The following SOX5 variants were observed in gnomAD, a reference collection of about 807,000 sequenced individuals.
The protein encoded by SOX5 is SRY-box transcription factor 5.
Under a neutral mutation model 92.0 loss-of-function variants are expected in SOX5, and 9 were observed. That is an observed-to-expected ratio of 0.10 (90% CI 0.06 to 0.17). The LOEUF (loss-of-function observed/expected upper bound fraction) is 0.17, where lower values mean the gene tolerates loss of function less well. Among genes scored for constraint, SOX5 ranks in the 10% least tolerant of loss-of-function variants. SOX5 has a pLI of 1.00. For synonymous variants in SOX5, 344 were observed against 336.3 expected (o/e 1.02, Z -0.25); for missense variants, 642 against 944.5 (o/e 0.68, Z 4.20).
chr12:23,842,872 G>C (rs184145619), intron 3 of SOX5, among the ~76,000 whole-genome samples: 1 of 152,298 alleles, frequency 6.6e-6, no homozygotes, highest in African/African-American at 2.4e-5. Flanking sequence ...TTCCGTAAGT[G>C]TGGCTTGTAC....
intron 1 of SOX5, among the ~76,000 whole-genome samples, chr12:24,485,207 A>G (rs1946397529): frequency 6.6e-6 from 1 of 152,208 alleles, no homozygotes; most frequent in Non-Finnish European, 1.5e-5. Flanking sequence ...ACCGCATCCC[A>G]ACAAATAATA....
intron 4 of SOX5, among the ~76,000 whole-genome samples, chr12:24,106,431 C>T (rs1037472059): frequency 9.2e-5 from 14 of 151,962 alleles, no homozygotes; most frequent in African/African-American, 2.9e-4. Flanking sequence ...CAACGGGAAA[C>T]GTAAAATAAT....
At chr12:23,721,966 G>A (rs952568844) in intron 6 of SOX5, among the ~76,000 whole-genome samples, 3 of 152,052 alleles carry the variant, frequency 2.0e-5, no homozygotes, top group African/African-American at 7.2e-5. Flanking sequence ...TAAATAGAGA[G>A]CATGGTGTTC....
rs71063311 is a variant in SOX5, at chr12:24,327,385, CTTTTTTTTTTTTTTTTTTTTTTTTTT to C, written c.-174+41152_-174+41177del. Among the ~76,000 whole-genome samples, 34 of 56,688 alleles carry C rather than the reference CTTTTTTTTTTTTTTTTTTTTTTTTTT, an allele frequency of 6.0e-4. 1 individual carries two copies. Among genetic ancestry groups the C allele is most frequent in the South Asian group, 1.9e-3 (2 of 1,056 alleles). The allele number at this position is 56,688 out of a possible 152,430, so 37.2% of individuals were successfully genotyped here. A position where few individuals can be genotyped will look rare whatever the true frequency, so the allele number is the denominator to read the frequency against. On this transcript the variant is annotated intron_variant, in intron 2 of 4. Coordinates refer to the SOX5 transcript ENST00000446891. ...AAATGAAGGGCTAGAGCAATGGAGA[CTTTTTTTTTTTTTTTTTTTTTTTTTT>C]TTTTTTTTTTTTTTTTTTTTTGAGA...
At chr12:24,099,306 G>A (rs1945795871) in intron 4 of SOX5, among the ~76,000 whole-genome samples, 1 of 152,122 alleles carries the variant, frequency 6.6e-6, no homozygotes, top group African/African-American at 2.4e-5. Context: ...TCTTGAGATA[G>A]AAACTTGCAT....
At chr12:23,979,471 T>TCCTTGG (rs1194174134) in intron 4 of SOX5, among the ~76,000 whole-genome samples, 1 of 151,770 alleles carries the variant, frequency 6.6e-6, no homozygotes, top group African/African-American at 2.4e-5. Context: ...TGATCTGCCT[T>TCCTTGG]CCTTGGCCTC....
rs570162474 is a variant in SOX5, at chr12:24,207,315, AAATC to A, written c.-2+6024_-2+6027del. Among the ~76,000 whole-genome samples, 110 of 152,320 alleles carry A rather than the reference AAATC, an allele frequency of 7.2e-4. 1 individual carries two copies. In the Middle Eastern group the frequency reaches 0.01, roughly 14 times the overall value. On this transcript the variant is annotated intron_variant, in intron 4 of 4. Coordinates refer to the SOX5 transcript ENST00000446891. ...ATGACTCTATAGATGGATGGGATCT[AAATC>A]AATCAATATTTTTCCTATAACCGAG... is the stretch of plus-strand genomic sequence containing the variant.
At chr12:24,245,384 A>C (rs1938484341) in intron 3 of SOX5, among the ~76,000 whole-genome samples, 1 of 152,022 alleles carries the variant, frequency 6.6e-6, no homozygotes, top group Non-Finnish European at 1.5e-5. Context: ...AAAACTAAAA[A>C]TAGGAAACAA....
chr12:23,563,836 A>T (rs1480915597), intron 10 of SOX5, among the ~76,000 whole-genome samples: 1 of 152,132 alleles, frequency 6.6e-6, no homozygotes, highest in Non-Finnish European at 1.5e-5. Flanking sequence ...AGTCTCTCCT[A>T]GTATTAGAAA....
At chr12:24,321,753 C>T (rs1029571448) in intron 2 of SOX5, among the ~76,000 whole-genome samples, 2 of 152,052 alleles carry the variant, frequency 1.3e-5, no homozygotes. Flanking sequence ...GAATATTCAT[C>T]GAGTACCTAG....
intron 1 of SOX5, among the ~76,000 whole-genome samples, chr12:24,467,387 C>A (rs575302085): frequency 6.6e-6 from 1 of 152,102 alleles, no homozygotes; most frequent in Non-Finnish European, 1.5e-5. Flanking sequence ...CTACACACAG[C>A]GTGCAATGGG....
intron 9 of SOX5, among the ~76,000 whole-genome samples, chr12:23,589,876 G>T (rs1226640515): frequency 6.6e-6 from 1 of 151,950 alleles, no homozygotes; most frequent in Non-Finnish European, 1.5e-5. Context: ...CAAGTATTGT[G>T]CTTGGTGCTA....
At chr12:24,426,297 T>C (rs767609687) in intron 1 of SOX5, among the ~76,000 whole-genome samples, 5 of 150,044 alleles carry the variant, frequency 3.3e-5, no homozygotes, top group Admixed American at 6.6e-5. Flanking sequence ...ACATCACACA[T>C]TGGGGCCTGT....
At chr12:24,385,944 AAGAG>A (rs1274236091) in intron 1 of SOX5, among the ~76,000 whole-genome samples, 1,528 of 139,724 alleles carry the variant, frequency 0.011, 79 homozygotes, top group Middle Eastern at 0.023. Flanking sequence ...AAAAAAAAAA[AAGAG>A]AGAGAGATTT....
chr12:24,142,845 G>A (rs1950716345), intron 4 of SOX5, among the ~76,000 whole-genome samples: 1 of 150,238 alleles, frequency 6.7e-6, no homozygotes, highest in South Asian at 2.1e-4. Flanking sequence ...AGTTCATAAG[G>A]CCAGCTACTA....
At chr12:24,344,373 G>A (rs1452920300) in intron 2 of SOX5, among the ~76,000 whole-genome samples, 3 of 151,482 alleles carry the variant, frequency 2.0e-5, no homozygotes, top group Admixed American at 6.6e-5. Flanking sequence ...TCCATGGAGT[G>A]CTCTCATTGC....
chr12:23,900,836 T>G (rs1049297878), intron 1 of SOX5, among the ~76,000 whole-genome samples: 3 of 152,138 alleles, frequency 2.0e-5, no homozygotes, highest in African/African-American at 7.2e-5. Flanking sequence ...GGTGCACACC[T>G]GTAGTTCCAG....
intron 6 of SOX5, among the ~76,000 whole-genome samples, chr12:23,726,140 A>T (rs1446594342): frequency 1.4e-4 from 3 of 21,996 alleles, no homozygotes; most frequent in African/African-American, 3.6e-4. Flanking sequence ...AGAGAGAGAG[A>T]GAGAGAGAGA....
At chr12:24,335,979 A>ATATATATATATATATATATATG (rs1301436341) in intron 2 of SOX5, among the ~76,000 whole-genome samples, 1 of 140,350 alleles carries the variant, frequency 7.1e-6, no homozygotes, top group African/African-American at 2.6e-5. Context: ...TATCATATAT[A>ATATATATATATATATATATATG]TATATATATC....
Sources: allele counts gnomAD v4.1 joint callset (sites outside exome capture counted in the v4.1 genomes callset), GRCh38; gene constraint gnomAD v4.1.1; transcripts MANE v1.5; gene names NCBI Gene and HGNC (gene_info 2026-07-23, HGNC 2026-07-21).